ANXA8: variants seen among roughly 807,000 people sequenced by gnomAD.
ANXA8 encodes VAC-beta.
A neutral mutation model predicts 26.8 loss-of-function variants in ANXA8; 9 were observed. The ratio of observed to expected loss-of-function variants is 0.34; its 90% CI spans 0.20 to 0.59. ANXA8 has a LOEUF of 0.59. Among genes scored for constraint, ANXA8 ranks in the 20% least tolerant of loss-of-function variants. The pLI, the probability that ANXA8 is intolerant of heterozygous loss-of-function variation, is 0.84. For synonymous variants in ANXA8, 39 were observed against 94.8 expected, an observed-to-expected ratio of 0.41 and a Z score of 3.42; for missense variants, 83 against 238.5, an observed-to-expected ratio of 0.35 and a Z score of 4.29.
chr10:47,560,266 T>C, the ANXA8 span, among the ~76,000 whole-genome samples: 1 of 151,904 alleles, frequency 6.6e-6, no homozygotes, highest in Non-Finnish European at 1.5e-5. Flanking sequence ...CAAGTTAAAA[T>C]TTTTAAGTTT....
upstream of ANXA8, among the ~76,000 whole-genome samples, chr10:47,486,043 G>T (rs1455234464): frequency 2.3e-4 from 35 of 151,686 alleles, no homozygotes; most frequent in Non-Finnish European, 4.9e-4. Context: ...AGGAGGCAGA[G>T]GTTACAGTGA....
chr10:47,689,195 T>A, the ANXA8 span, among the ~76,000 whole-genome samples: 1 of 151,494 alleles, frequency 6.6e-6, no homozygotes, highest in Non-Finnish European at 1.5e-5. Flanking sequence ...AGAGTCTTTT[T>A]TTGAGATGGA....
At chr10:47,567,571 G>A in the ANXA8 span, among the ~76,000 whole-genome samples, 36,260 of 151,320 alleles carry the variant, frequency 0.24, 4,818 homozygotes, top group South Asian at 0.46. Context: ...ACAGCCCTGT[G>A]TTCCTGTCAT....
chr10:47,751,363 A>G, the ANXA8 span: 2 of 99,528 alleles, frequency 2.0e-5, no homozygotes, highest in African/African-American at 7.7e-5. Context: ...TATGATCTGG[A>G]TCACTTTTAT....
At chr10:47,604,331 CAT>C in the ANXA8 span, among the ~76,000 whole-genome samples, 4,073 of 147,222 alleles carry the variant, frequency 0.028, 1 homozygote, top group African/African-American at 0.099. Flanking sequence ...CATATATACA[CAT>C]ATCATATATC....
At chr10:47,676,354 A>G in the ANXA8 span, among the ~76,000 whole-genome samples, 1 of 151,908 alleles carries the variant, frequency 6.6e-6, no homozygotes, top group Non-Finnish European at 1.5e-5. Context: ...AGTTAAATAC[A>G]AAACAAAAAT....
chr10:47,497,086 C>T, the ANXA8 span, among the ~76,000 whole-genome samples: 3 of 151,228 alleles, frequency 2.0e-5, no homozygotes, highest in African/African-American at 4.9e-5. Flanking sequence ...TTTGGGATGC[C>T]GATGTGGGTG....
At chr10:47,583,793 C>A in the ANXA8 span, among the ~76,000 whole-genome samples, 1 of 144,176 alleles carries the variant, frequency 6.9e-6, no homozygotes, top group South Asian at 2.2e-4. Flanking sequence ...GGACTGTAAT[C>A]CAGTGGTTCC....
At chr10:47,929,006 T>C in the ANXA8 span, among the ~76,000 whole-genome samples, 2 of 136,932 alleles carry the variant, frequency 1.5e-5, no homozygotes, top group Non-Finnish European at 1.6e-5. Flanking sequence ...CTTTTTTTTT[T>C]CCTTTTTTGT....
chr10:47,632,055 C>T, the ANXA8 span, among the ~76,000 whole-genome samples: 71 of 152,194 alleles, frequency 4.7e-4, no homozygotes, highest in African/African-American at 1.5e-3. Flanking sequence ...GCATAATCAA[C>T]GGACACCTAG....
chr10:47,624,331 T>C, the ANXA8 span, among the ~76,000 whole-genome samples: 1 of 120,740 alleles, frequency 8.3e-6, no homozygotes, highest in African/African-American at 2.9e-5. Context: ...AAAAACAAAA[T>C]AGTACACAAA....
chr10:47,968,193 C>A, the ANXA8 span, among the ~76,000 whole-genome samples: 1 of 149,444 alleles, frequency 6.7e-6, no homozygotes, highest in Non-Finnish European at 1.5e-5. Context: ...CTGTAGATTC[C>A]CTGTCATTTC....
At chr10:47,730,674 G>A in the ANXA8 span, among the ~76,000 whole-genome samples, 1 of 149,874 alleles carries the variant, frequency 6.7e-6, no homozygotes, top group Non-Finnish European at 1.5e-5. Context: ...TACCAGTCAA[G>A]GCAATATGTA....
upstream of ANXA8, among the ~76,000 whole-genome samples, chr10:47,488,696 A>T (rs1474786357): frequency 7.3e-6 from 1 of 137,168 alleles, no homozygotes; most frequent in East Asian, 2.4e-4. Context: ...CATTTAACAT[A>T]GAATTTTACA....
Position 47,474,080 on chromosome 10 carries a change from C to T in ANXA8, c.647-15G>A. 3.7e-6 allele frequency: 2 copies of T among 533,608 alleles called. No homozygotes were observed. Among genetic ancestry groups the T allele is most frequent in the Admixed American group, 3.3e-5 (1 of 30,680 alleles). 33.1% of individuals were successfully genotyped at this position (533,608 alleles called of 1,614,324 possible). A position where few individuals can be genotyped will look rare whatever the true frequency, so the allele number is the denominator to read the frequency against. ...CTCTTCAAACACTGTGGAGAGGGCT[C>T]TGCTCAGGGGATGGTCAGACCTCCT... On this transcript the variant is annotated splice_polypyrimidine_tract_variant and intron_variant, in intron 8 of 11. Coordinates refer to ENST00000585281, the MANE Select transcript of ANXA8 (RefSeq NM_001040084.3).
At chr10:47,543,988 G>C in the ANXA8 span, among the ~76,000 whole-genome samples, 2 of 147,888 alleles carry the variant, frequency 1.4e-5, 1 homozygote, top group Admixed American at 1.4e-4. Context: ...TTTGTACTGT[G>C]GCTTGGATTC....
At chr10:47,646,983 G>C in the ANXA8 span, among the ~76,000 whole-genome samples, 2 of 152,136 alleles carry the variant, frequency 1.3e-5, no homozygotes, top group Non-Finnish European at 2.9e-5. Context: ...TTAATTTAGT[G>C]GTGTTGAATA....
At chr10:47,555,728 T>C in the ANXA8 span, among the ~76,000 whole-genome samples, 1 of 152,078 alleles carries the variant, frequency 6.6e-6, no homozygotes, top group Non-Finnish European at 1.5e-5. Flanking sequence ...TGATCTTAGT[T>C]GATGGCAATT....
chr10:47,921,421 A>G, the ANXA8 span, among the ~76,000 whole-genome samples: 4 of 152,080 alleles, frequency 2.6e-5, no homozygotes, highest in Non-Finnish European at 5.9e-5. Context: ...TGCTGTCTCC[A>G]TTCAGATAAA....
Sources: gnomAD v4.1 joint callset for allele counts (sites outside exome capture counted in the v4.1 genomes callset) on GRCh38, gnomAD v4.1.1 for gene constraint, MANE v1.5 for transcripts, NCBI Gene and HGNC (gene_info 2026-07-23, HGNC 2026-07-21) for gene names.